Variants in RASEF observed in about 807,000 individuals in gnomAD.
RASEF encodes the protein ras and EF-hand domain-containing protein.
RASEF carries 68 observed loss-of-function variants against 90.1 expected under a neutral mutation model. The ratio of observed to expected loss-of-function variants is 0.75; its 90% CI spans 0.62 to 0.92. The LOEUF is 0.92. Among genes scored for constraint, RASEF ranks in the 40% least tolerant of loss-of-function variants. The probability of loss-of-function intolerance (pLI) is 0.00; values close to 1 mark genes in which losing one functional copy is unlikely to be tolerated. For synonymous variants in RASEF, 331 were observed against 345.2 expected (o/e 0.96, Z 0.46); for missense variants, 949 against 937.2 (o/e 1.01, Z -0.16).
chr9:83,067,675 T>A (rs1267068450), upstream of RASEF, among the ~76,000 whole-genome samples: 1 of 152,220 alleles, frequency 6.6e-6, no homozygotes, highest in Non-Finnish European at 1.5e-5. Context: ...TCAAACAATA[T>A]CAAATACCAT....
In RASEF at chr9:82,984,662, T is replaced by C. The variant is rs530183609; in HGVS notation, c.2118-1880A>G. On this transcript the variant is annotated intron_variant, in intron 16 of 16. Coordinates refer to ENST00000376447, the MANE Select transcript of RASEF (RefSeq NM_152573.4). ...AAACCCTAACACCCGGGAAGACTCA[T>C]TTCAGGTTTCTGACCTCCAAAATTG... 8.5e-5 allele frequency among the ~76,000 whole-genome samples: 13 copies of C among 152,252 alleles called. No individual in the cohort carries two copies. In the South Asian group the frequency reaches 1.9e-3, roughly 22 times the overall value.
chr9:82,982,897 G>C (rs7853052), intron 16 of RASEF, 115 bp from the exon 17 acceptor site: 1 of 708,306 alleles, frequency 1.4e-6, no homozygotes, highest in Non-Finnish European at 2.6e-6. Flanking sequence ...GCCATGCTGA[G>C]TGTCTGCACG....
chr9:83,116,389 T>G, the RASEF span, among the ~76,000 whole-genome samples: 1 of 152,168 alleles, frequency 6.6e-6, no homozygotes, highest in Non-Finnish European at 1.5e-5. Context: ...GGAGGATTCA[T>G]GGTGTTTCCC....
At chr9:83,164,399 A>G in the RASEF span, among the ~76,000 whole-genome samples, 1 of 144,984 alleles carries the variant, frequency 6.9e-6, no homozygotes, top group African/African-American at 2.5e-5. Flanking sequence ...AATTAATGAC[A>G]GCAATGATAT....
chr9:83,066,646 T>C (rs1830284111), upstream of RASEF, among the ~76,000 whole-genome samples: 1 of 152,218 alleles, frequency 6.6e-6, no homozygotes, highest in Non-Finnish European at 1.5e-5. Context: ...CAGCTTCCTC[T>C]CTGGCTGCTC....
the RASEF span, among the ~76,000 whole-genome samples, chr9:83,157,628 C>A: frequency 6.6e-6 from 1 of 152,158 alleles, no homozygotes; most frequent in Non-Finnish European, 1.5e-5. Flanking sequence ...CAACAGAAGA[C>A]AGACTAAGAT....
chr9:83,160,489 G>A, the RASEF span, among the ~76,000 whole-genome samples: 2 of 152,154 alleles, frequency 1.3e-5, no homozygotes, highest in Non-Finnish European at 2.9e-5. Context: ...AAATTTCTAA[G>A]CACCAAAGCA....
rs763706260 is a variant in RASEF, at chr9:83,009,669, A to T, written c.931T>A (p.Tyr311Asn). Reference sequence around the variant, plus strand: ...TCAGTATTCAGACTCTGATCAGCATAATCACTTTTCAAAGCATCTAACTCA... The same window carrying T: ...TCAGTATTCAGACTCTGATCAGCATTATCACTTTTCAAAGCATCTAACTCA... ...QSELDALKSD[Y>N]ADQSLNTERD... Residue 311 changes from tyrosine to asparagine, a missense_variant, in exon 6 of 17, where the codon TAT becomes AAT. Coordinates refer to ENST00000376447, the MANE Select transcript of RASEF (RefSeq NM_152573.4). 1 of 1,610,474 alleles carries T rather than the reference A, an allele frequency of 6.2e-7. No homozygotes were observed. Among genetic ancestry groups the T allele is most frequent in the Non-Finnish European group, 8.5e-7 (1 of 1,176,930 alleles).
chr9:83,217,374 A>G, the RASEF span, among the ~76,000 whole-genome samples: 8,782 of 152,142 alleles, frequency 0.058, 741 homozygotes, highest in East Asian at 0.42. Flanking sequence ...GAATGTGAGG[A>G]CATGAGATTT....
At chr9:83,114,123 G>A in the RASEF span, among the ~76,000 whole-genome samples, 1 of 152,192 alleles carries the variant, frequency 6.6e-6, no homozygotes, top group Non-Finnish European at 1.5e-5. Context: ...GGGACCAGCT[G>A]AAGCCATGGC....
At chr9:83,061,994 T>C (rs1354710541) in intron 1 of RASEF, among the ~76,000 whole-genome samples, 2 of 152,186 alleles carry the variant, frequency 1.3e-5, no homozygotes, top group Non-Finnish European at 2.9e-5. Context: ...TTTTCTATAG[T>C]CTTAGGAAAA....
chr9:83,039,989 G>A (rs564158307), intron 1 of RASEF, among the ~76,000 whole-genome samples: 167 of 152,162 alleles, frequency 1.1e-3, no homozygotes, highest in African/African-American at 3.9e-3. Context: ...TGAATCACGG[G>A]GGCAGGTTTT....
At chr9:83,207,598 C>CTTTTTTTT in the RASEF span, among the ~76,000 whole-genome samples, 10 of 85,468 alleles carry the variant, frequency 1.2e-4, no homozygotes, top group African/African-American at 3.4e-4. Context: ...AGGAGGGCTG[C>CTTTTTTTT]TTTTTTTTTT....
intron 1 of RASEF, among the ~76,000 whole-genome samples, chr9:83,043,399 G>GGC (rs1554709867): frequency 1.7e-4 from 25 of 142,956 alleles, no homozygotes; most frequent in Non-Finnish European, 3.0e-4. Flanking sequence ...GCAGTGATTG[G>GGC]GGGGGGGGAC....
At chr9:83,072,764 T>C in the RASEF span, among the ~76,000 whole-genome samples, 42 of 152,170 alleles carry the variant, frequency 2.8e-4, no homozygotes, top group Admixed American at 6.5e-5. Context: ...GGCAGCTGAT[T>C]AGATGGTGCC....
chr9:83,175,315 A>G, the RASEF span, among the ~76,000 whole-genome samples: 5 of 152,168 alleles, frequency 3.3e-5, no homozygotes, highest in African/African-American at 1.2e-4. Flanking sequence ...TTTTATCATA[A>G]ATGTCATTGG....
intron 3 of RASEF, among the ~76,000 whole-genome samples, chr9:83,017,334 A>AG (rs1829359810): frequency 6.6e-6 from 1 of 151,228 alleles, no homozygotes; most frequent in Non-Finnish European, 1.5e-5. Context: ...AAAAAAAAAA[A>AG]AAAAAAAAGA....
At chr9:83,163,326 A>G in the RASEF span, among the ~76,000 whole-genome samples, 21,509 of 152,036 alleles carry the variant, frequency 0.14, 1,699 homozygotes, top group East Asian at 0.24. Context: ...ACTCATGTCC[A>G]GGTATCAAGA....
At position 82,990,465 on chromosome 9, in the gene RASEF, C is replaced by T. The variant is rs371073393; in HGVS notation, c.2043G>A (p.Thr681=). The T allele has an allele frequency of 2.8e-4, 447 of 1,609,718 alleles. 1 individual carries two copies. Among genetic ancestry groups the T allele is most frequent in the South Asian group, 1.8e-3 (164 of 90,722 alleles). The change falls in exon 16 of 17, where the codon ACG becomes ACA. Residue 681 remains threonine (T), a splice_region_variant and synonymous_variant. Transcript: ENST00000376447. ...TTGTTTCACAGAATAATGCCCCATACGTCTGTAAAAAAGAAATACACACAA... is the reference window on the plus strand; with the variant it reads ...TTGTTTCACAGAATAATGCCCCATATGTCTGTAAAAAAGAAATACACACAA... The part of the protein sequence containing the change: ...PGHFGEKLAM[T]YGALFCETSA...
Sources: allele counts gnomAD v4.1 joint callset (sites outside exome capture counted in the v4.1 genomes callset), GRCh38; gene constraint gnomAD v4.1.1; transcripts MANE v1.5; gene names NCBI Gene and HGNC (gene_info 2026-07-23, HGNC 2026-07-21).